The following MMP24 variants were observed in gnomAD, a reference collection of about 807,000 sequenced individuals.
The protein encoded by MMP24 is matrix metalloproteinase-24.
MMP24 carries 25 observed loss-of-function variants against 62.8 expected under a neutral mutation model. That is an observed-to-expected ratio of 0.40 (90% CI 0.29 to 0.56). MMP24 has a LOEUF of 0.56. Ranked by LOEUF, MMP24 falls within the 20% of genes least tolerant of loss-of-function variation. MMP24 has a pLI of 0.50. For synonymous variants in MMP24, 319 were observed against 350.5 expected (o/e 0.91, Z 1.00); for missense variants, 634 against 853.6 (o/e 0.74, Z 3.21).
chr20:35,230,644 A>G (rs2060433482), intron 1 of MMP24, among the ~76,000 whole-genome samples: 1 of 152,168 alleles, frequency 6.6e-6, no homozygotes, highest in South Asian at 2.1e-4. Context: ...AGAACTCTTT[A>G]GGTAGTCTTC....
At chr20:35,263,472 A>C in intron 4 of MMP24, 1 of 190,892 alleles carries the variant, frequency 5.2e-6, no homozygotes, top group Non-Finnish European at 1.0e-5. Context: ...CTTCAACTTC[A>C]CCTTTGTGAA....
In MMP24 at chr20:35,274,501, C is replaced by T; in HGVS notation, c.1830C>T (p.Ile610=). 1 of 1,614,006 alleles carries T rather than the reference C, an allele frequency of 6.2e-7. No individual in the cohort carries two copies. Among genetic ancestry groups the T allele is most frequent in the Non-Finnish European group, 8.5e-7 (1 of 1,179,874 alleles). The change falls in exon 9 of 9, where the codon ATC becomes ATT. Residue 610 remains isoleucine (I), a synonymous_variant. Coordinates refer to ENST00000246186, the MANE Select transcript of MMP24 (RefSeq NM_006690.4). The surrounding 1 kb of genome is among the most constrained non-coding windows in gnomAD (Gnocchi z 5.1). ...CCGTGGCCGTGGTCATCCCCTGCAT[C>T]CTGTCCCTCTGCATCCTGGTGCTGG... The part of the protein sequence containing the change: ...VNAVAVVIPC[I]LSLCILVLVY...
chr20:35,258,889 G>A (rs898531204), intron 4 of MMP24, among the ~76,000 whole-genome samples: 1 of 152,002 alleles, frequency 6.6e-6, no homozygotes, highest in Non-Finnish European at 1.5e-5. Flanking sequence ...TGTTTAAAAG[G>A]CTCCCCGGGC....
intron 1 of MMP24, chr20:35,236,320 C>T (rs1028264952): frequency 2.6e-5 from 4 of 152,208 alleles, no homozygotes; most frequent in Non-Finnish European, 5.9e-5. Flanking sequence ...CCAACTTGCT[C>T]TGTGATTTTG....
At chr20:35,255,192 G>A (rs1002236648) in intron 4 of MMP24, among the ~76,000 whole-genome samples, 11 of 152,138 alleles carry the variant, frequency 7.2e-5, no homozygotes, top group Admixed American at 2.0e-4. Context: ...TTATCTGGGC[G>A]TGGTGGCGGG....
rs2060641680 is a variant in MMP24 at position 35,267,357 on chromosome 20, A to G, written c.1132A>G (p.Asn378Asp). The part of the protein sequence containing the change: ...DRPSTPGTKP[N>D]ICDGNFNTVA... ...GCCATCCACACCAGGCACCAAACCCAACATCTGTGACGGCAACTTCAACAC... is the reference window on the plus strand; with the variant it reads ...GCCATCCACACCAGGCACCAAACCCGACATCTGTGACGGCAACTTCAACAC... Residue 378 changes from asparagine to aspartate, a missense_variant, in exon 6 of 9, where the codon AAC (asparagine) becomes GAC (aspartate). By Grantham distance (23) the Asn-to-Asp change is conservative (BLOSUM62 1). Coordinates refer to ENST00000246186, the MANE Select transcript of MMP24 (RefSeq NM_006690.4). 1 of 1,580,770 alleles carries G rather than the reference A, an allele frequency of 6.3e-7. No individual in the cohort carries two copies. Among genetic ancestry groups the G allele is most frequent in the African/African-American group, 1.4e-5 (1 of 73,974 alleles).
chr20:35,233,252 C>CA (rs1568608529), intron 1 of MMP24, among the ~76,000 whole-genome samples: 1 of 151,856 alleles, frequency 6.6e-6, no homozygotes, highest in Non-Finnish European at 1.5e-5. Context: ...ATTAAAAATA[C>CA]AAAAAAATTA....
rs1472425737 is a variant in MMP24 at position 35,258,920 on chromosome 20, G to A, written c.817+4166G>A. Among the ~76,000 whole-genome samples, 6 of 152,234 alleles carry A rather than the reference G, an allele frequency of 3.9e-5. No individual in the cohort carries two copies. In the East Asian group the frequency reaches 9.6e-4, roughly 24 times the overall value. On this transcript the variant is annotated intron_variant, in intron 4 of 8. Transcript: ENST00000246186. ...CGGGCCAGGTGCGATGGGAGCACTG[G>A]AGTAATCCCAGCACTTTGGGAGGCC...
intron 6 of MMP24, chr20:35,267,924 C>A (rs1330535801): frequency 6.4e-6 from 1 of 155,496 alleles, no homozygotes; most frequent in African/African-American, 2.4e-5. Flanking sequence ...CATGGACTGA[C>A]AGGGTGGCAG....
intron 1 of MMP24, among the ~76,000 whole-genome samples, chr20:35,240,053 T>C (rs1339356272): frequency 2.6e-5 from 4 of 152,214 alleles, no homozygotes; most frequent in Admixed American, 1.3e-4. Flanking sequence ...CCGTACGGAA[T>C]ATGCCTGAAT....
chr20:35,228,829 G>A (rs762643518), intron 1 of MMP24, among the ~76,000 whole-genome samples: 4 of 152,074 alleles, frequency 2.6e-5, no homozygotes, highest in Non-Finnish European at 4.4e-5. Flanking sequence ...CATTTTAGTT[G>A]TCCTTTTCTA....
At chr20:35,247,047 A>G in intron 2 of MMP24, 59 bp downstream of exon 2, 1 of 1,595,622 alleles carries the variant, frequency 6.3e-7, no homozygotes, top group Non-Finnish European at 8.6e-7. Context: ...TTGGGTTCAC[A>G]TTTGTCATGG....
At chr20:35,256,714 CAAAAAAAAAAAA>C (rs74173944) in intron 4 of MMP24, among the ~76,000 whole-genome samples, 8,554 of 39,798 alleles carry the variant, frequency 0.21, 757 homozygotes, top group African/African-American at 0.36. Context: ...GATTCCGTCT[CAAAAAAAAAAAA>C]AAAAAAAAAA....
In MMP24 at chr20:35,269,584, T is replaced by C. The variant is rs1300106844; in HGVS notation, c.1195-176T>C. On this transcript the variant is annotated intron_variant, in intron 6 of 8. Transcript: ENST00000246186. The surrounding 1 kb of genome is among the most constrained non-coding windows in gnomAD (Gnocchi z 4.6). ...AGCAAGAGTCAGCAGGAGGCTGAAT[T>C]GAAGACAGTTACAGGAGCATCCTGT... 2.6e-5 allele frequency among the ~76,000 whole-genome samples: 4 copies of C among 152,108 alleles called. No homozygotes were observed. Among genetic ancestry groups the C allele is most frequent in the Non-Finnish European group, 5.9e-5 (4 of 68,024 alleles).
intron 4 of MMP24, among the ~76,000 whole-genome samples, chr20:35,260,652 G>GA (rs2060597864): frequency 3.3e-5 from 5 of 152,252 alleles, no homozygotes; most frequent in Admixed American, 6.5e-5. Flanking sequence ...CAGGACCTGA[G>GA]TAAGGAGCTG....
rs370896350 is a variant in MMP24, at chr20:35,274,410, G to A, written c.1739G>A (p.Arg580Gln). 92 of 1,613,840 alleles carry A rather than the reference G, an allele frequency of 5.7e-5. No individual in the cohort carries two copies. The highest frequency in any genetic ancestry group is 3.1e-4 in the South Asian group (28 of 91,090). Residue 580 changes from arginine (R) to glutamine (Q), a missense_variant, in exon 9 of 9, where the codon CGG (arginine) becomes CAG (glutamine). Physicochemically the swap from Arg to Gln is conservative, Grantham distance 43. Transcript: ENST00000246186. This position sits in a 1 kb window ranked among gnomAD's most constrained non-coding sequence, Gnocchi z 5.1. ...AAGGAGGTGGAGCGGCGGAAGGAGC[G>A]GCGGCTGCCCCAGGACGACGTGGAC... Reference protein sequence around the residue: ...NQKEVERRKERRLPQDDVDIM... With the variant: ...NQKEVERRKEQRLPQDDVDIM...
chr20:35,266,333 C>T (rs1317392174), intron 5 of MMP24, among the ~76,000 whole-genome samples: 2 of 127,470 alleles, frequency 1.6e-5, no homozygotes, highest in African/African-American at 3.1e-5. Context: ...GCATGGGGGA[C>T]GGAGCGAGAC....
intron 7 of MMP24, among the ~76,000 whole-genome samples, chr20:35,270,802 G>A (rs1022588312): frequency 6.6e-6 from 1 of 152,240 alleles, no homozygotes; most frequent in African/African-American, 2.4e-5. Flanking sequence ...CACTTTGGGA[G>A]GCCAAGGCTG....
rs1009794116 is a variant in MMP24 at position 35,246,793 on chromosome 20, G to C, written c.247-47G>C. ...GGCACATCTCTGCCCAGGTAGAACAGAGCCTTTCCCAGCATAACGCATCTT... is the reference window on the plus strand; with the variant it reads ...GGCACATCTCTGCCCAGGTAGAACACAGCCTTTCCCAGCATAACGCATCTT... On this transcript the variant is annotated intron_variant, in intron 1 of 8. Coordinates refer to ENST00000246186, the MANE Select transcript of MMP24 (RefSeq NM_006690.4). 1.1e-5 allele frequency: 17 copies of C among 1,606,244 alleles called. No individual in the cohort carries two copies. In the Admixed American group the frequency reaches 2.0e-4, roughly 19 times the overall value.
Sources: gnomAD v4.1 joint callset for allele counts (sites outside exome capture counted in the v4.1 genomes callset) on GRCh38, gnomAD v4.1.1 for gene constraint, Gnocchi (gnomAD v3.1) non-coding constraint, MANE v1.5 for transcripts, NCBI Gene and HGNC (gene_info 2026-07-23, HGNC 2026-07-21) for gene names.